GALNT13: variants seen among roughly 807,000 people sequenced by gnomAD.
GALNT13 encodes polypeptide N-acetylgalactosaminyltransferase 13, also known as UDP-GalNAc:polypeptide N-acetylgalactosaminyltransferase 13.
GALNT13 carries 28 observed loss-of-function variants against 64.2 expected under a neutral mutation model. The ratio of observed to expected loss-of-function variants is 0.44; its 90% CI spans 0.32 to 0.60. The LOEUF (loss-of-function observed/expected upper bound fraction) is 0.60, where lower values mean the gene tolerates loss of function less well. Ranked by LOEUF, GALNT13 falls within the 20% of genes least tolerant of loss-of-function variation. The pLI is 0.05. For missense variants in GALNT13, 577 were observed against 669.8 expected, an observed-to-expected ratio of 0.86 and a Z score of 1.53; for synonymous variants, 214 against 224.6, an observed-to-expected ratio of 0.95 and a Z score of 0.42.
At chr2:153,385,809 A>T in the GALNT13 span, among the ~76,000 whole-genome samples, 2 of 152,010 alleles carry the variant, frequency 1.3e-5, no homozygotes, top group Admixed American at 1.3e-4. Flanking sequence ...GTATTAAAGT[A>T]TCTCCTTTAA....
chr2:154,245,443 C>G (rs1037282917), intron 6 of GALNT13, among the ~76,000 whole-genome samples: 1 of 152,108 alleles, frequency 6.6e-6, no homozygotes, highest in Non-Finnish European at 1.5e-5. Context: ...TCCCTTCTTA[C>G]CTCCCTGAAT....
At chr2:153,196,518 G>A in the GALNT13 span, among the ~76,000 whole-genome samples, 2 of 152,106 alleles carry the variant, frequency 1.3e-5, no homozygotes, top group East Asian at 2.0e-4. Context: ...CCAAGCCTGT[G>A]GGGGCAAAGG....
chr2:153,559,164 T>G, the GALNT13 span, among the ~76,000 whole-genome samples: 1 of 152,208 alleles, frequency 6.6e-6, no homozygotes, highest in Non-Finnish European at 1.5e-5. Flanking sequence ...ATCATTATAA[T>G]AGCTAACAAA....
the GALNT13 span, among the ~76,000 whole-genome samples, chr2:153,809,805 A>C: frequency 6.6e-6 from 1 of 152,106 alleles, no homozygotes; most frequent in Non-Finnish European, 1.5e-5. Context: ...TACTTTATTA[A>C]AGATCAACTT....
the GALNT13 span, among the ~76,000 whole-genome samples, chr2:153,256,559 C>A: frequency 6.6e-6 from 1 of 152,290 alleles, no homozygotes; most frequent in Admixed American, 6.5e-5. Context: ...TTTAGAGTTT[C>A]CAGTTTTTCT....
the GALNT13 span, among the ~76,000 whole-genome samples, chr2:153,223,642 A>G: frequency 6.6e-6 from 1 of 152,196 alleles, no homozygotes; most frequent in Non-Finnish European, 1.5e-5. Flanking sequence ...AATATTAGTG[A>G]AAACATAACA....
At chr2:153,774,400 T>G in the GALNT13 span, among the ~76,000 whole-genome samples, 1 of 152,100 alleles carries the variant, frequency 6.6e-6, no homozygotes, top group Non-Finnish European at 1.5e-5. Flanking sequence ...AAGATGGCAT[T>G]GCAATTATGA....
At chr2:153,850,535 CAAGA>C in the GALNT13 span, among the ~76,000 whole-genome samples, 1 of 151,946 alleles carries the variant, frequency 6.6e-6, no homozygotes, top group Non-Finnish European at 1.5e-5. Flanking sequence ...CAAAAATTAC[CAAGA>C]AAGAATCAGA....
At chr2:153,160,795 C>A in the GALNT13 span, among the ~76,000 whole-genome samples, 1 of 152,068 alleles carries the variant, frequency 6.6e-6, no homozygotes, top group African/African-American at 2.4e-5. Context: ...ATAGTGGTAT[C>A]CTTGGAAACT....
intron 3 of GALNT13, among the ~76,000 whole-genome samples, chr2:153,991,813 C>A (rs1310656895): frequency 2.0e-5 from 3 of 152,052 alleles, no homozygotes; most frequent in Non-Finnish European, 2.9e-5. Context: ...TTTATACTTA[C>A]TTAAAAGGGG....
the GALNT13 span, among the ~76,000 whole-genome samples, chr2:153,830,283 C>A: frequency 6.6e-6 from 1 of 152,088 alleles, no homozygotes; most frequent in Non-Finnish European, 1.5e-5. Flanking sequence ...AATAAATTCA[C>A]AATTTTCTTT....
the GALNT13 span, among the ~76,000 whole-genome samples, chr2:153,268,878 C>CTGGAGTGGCTGGAACCCAAGGCA: frequency 2.6e-5 from 4 of 152,190 alleles, no homozygotes; most frequent in African/African-American, 9.7e-5. Flanking sequence ...ATCACCTGAG[C>CTGGAGTGGCTGGAACCCAAGGCA]TGGAGTGGCT....
intron 3 of GALNT13, among the ~76,000 whole-genome samples, chr2:154,082,576 G>C (rs1701325660): frequency 6.6e-6 from 1 of 151,698 alleles, no homozygotes; most frequent in South Asian, 2.1e-4. Context: ...TTCATCGAAT[G>C]AATACGTACT....
chr2:153,563,990 C>T, the GALNT13 span, among the ~76,000 whole-genome samples: 2 of 151,966 alleles, frequency 1.3e-5, no homozygotes, highest in East Asian at 1.9e-4. Context: ...ACTCCGCTTT[C>T]GTGTGTGAAT....
chr2:153,148,654 AT>A, the GALNT13 span, among the ~76,000 whole-genome samples: 1 of 151,740 alleles, frequency 6.6e-6, no homozygotes, highest in Non-Finnish European at 1.5e-5. Flanking sequence ...AAGGGAAAAA[AT>A]ATAAGTGCTA....
the GALNT13 span, among the ~76,000 whole-genome samples, chr2:153,199,358 A>G: frequency 6.6e-6 from 1 of 152,198 alleles, no homozygotes. Flanking sequence ...GCTATGCATT[A>G]TCCCTCACTC....
At chr2:154,143,857 T>A (rs35533197) in intron 4 of GALNT13, among the ~76,000 whole-genome samples, 11,049 of 100,644 alleles carry the variant, frequency 0.11, 667 homozygotes, top group Middle Eastern at 0.19. Context: ...TAAGACTCTG[T>A]CTCAAAAAAA....
the GALNT13 span, among the ~76,000 whole-genome samples, chr2:153,659,173 G>C: frequency 0.21 from 32,466 of 151,942 alleles, 4,320 homozygotes; most frequent in Middle Eastern, 0.44. Context: ...TCAATTATAG[G>C]ATGAATTACT....
chr2:154,368,443 GC>G (rs1436935324), intron 9 of GALNT13, among the ~76,000 whole-genome samples: 1 of 152,044 alleles, frequency 6.6e-6, no homozygotes, highest in Non-Finnish European at 1.5e-5. Flanking sequence ...TGGGATGAAG[GC>G]CTTTTTTAAT....
Sources: gnomAD v4.1 joint callset for allele counts (sites outside exome capture counted in the v4.1 genomes callset) on GRCh38, gnomAD v4.1.1 for gene constraint, MANE v1.5 for transcripts, NCBI Gene and HGNC (gene_info 2026-07-23, HGNC 2026-07-21) for gene names.